CLVS1: variants seen among roughly 807,000 people sequenced by gnomAD.
CLVS1 encodes clavesin 1, also known as clavesin-1.
In CLVS1, 10 loss-of-function variants were observed where a neutral mutation model predicts 33.1. The observed-to-expected ratio is 0.30, with a 90% CI of 0.19 to 0.51. The LOEUF is 0.51. CLVS1 is among the 20% of genes least tolerant of loss of function. CLVS1 has a pLI of 0.97. For missense variants in CLVS1, 343 were observed against 433.4 expected (o/e 0.79, Z 1.85); for synonymous variants, 163 against 166.1 (o/e 0.98, Z 0.14).
intron 3 of CLVS1, among the ~76,000 whole-genome samples, chr8:61,389,491 C>G (rs1814216183): frequency 6.6e-6 from 1 of 151,398 alleles, no homozygotes; most frequent in Non-Finnish European, 1.5e-5. Context: ...TGCAGTGAGC[C>G]AAGACTGCAC....
In CLVS1 at chr8:61,499,721, A is replaced by G. The variant is rs1804496597; in HGVS notation, c.*179A>G. ...GGTCTGAGCAGCCAAAGTTGGACAA[A>G]GACTTGAGAGATGCTTTTTTTTTCC... On this transcript the variant is annotated 3_prime_UTR_variant, in exon 6 of 6. Transcript: ENST00000325897. 2.3e-6 allele frequency: 1 copy of G among 433,658 alleles called. No homozygotes were observed. The highest frequency in any genetic ancestry group is 4.2e-6 in the Non-Finnish European group (1 of 240,076). 26.9% of individuals were successfully genotyped at this position (433,658 alleles called of 1,614,324 possible).
chr8:60,971,846 C>G, the CLVS1 span, among the ~76,000 whole-genome samples: 1 of 152,054 alleles, frequency 6.6e-6, no homozygotes, highest in African/African-American at 2.4e-5. Flanking sequence ...TCACCCCCAC[C>G]CCCACCTTCC....
At chr8:61,397,657 A>G (rs1432471386) in intron 3 of CLVS1, among the ~76,000 whole-genome samples, 2 of 152,132 alleles carry the variant, frequency 1.3e-5, no homozygotes, top group African/African-American at 4.8e-5. Context: ...TAGATCTATA[A>G]TCTATTTTGA....
chr8:61,158,133 A>C (rs1806684310), intron 2 of CLVS1, among the ~76,000 whole-genome samples: 1 of 152,214 alleles, frequency 6.6e-6, no homozygotes, highest in South Asian at 2.1e-4. Flanking sequence ...CCAGAAATAA[A>C]AAGGAACAAA....
chr8:61,274,143 A>T (rs1006656821), intron 2 of CLVS1: 2 of 152,240 alleles, frequency 1.3e-5, no homozygotes, highest in Non-Finnish European at 2.9e-5. Flanking sequence ...TAAACATTTC[A>T]CATGGTATTA....
intron 2 of CLVS1, among the ~76,000 whole-genome samples, chr8:61,154,090 A>G (rs1353083816): frequency 6.6e-6 from 1 of 152,182 alleles, no homozygotes; most frequent in African/African-American, 2.4e-5. Flanking sequence ...CAAGGCAGCA[A>G]TTACAAGAGG....
At position 61,073,738 on chromosome 8, in the gene CLVS1, C is replaced by T. The variant is rs888427432; in HGVS notation, c.-243+16508C>T. On this transcript the variant is annotated intron_variant, in intron 1 of 2. Coordinates refer to the CLVS1 transcript ENST00000522621. ...TAAAAAATTATAACTAAAGGCCGGG[C>T]GCAGTGGCTCACACCTGTAATCCCA... 3.1e-4 allele frequency among the ~76,000 whole-genome samples: 47 copies of T among 152,016 alleles called. 1 individual carries two copies. The highest frequency in any genetic ancestry group is 4.9e-4 in the Non-Finnish European group (33 of 67,994).
chr8:61,419,396 C>CAAAA lies in CLVS1; in HGVS notation c.631-34728_631-34725dup, dbSNP rs10635998. On this transcript the variant is annotated intron_variant, in intron 3 of 5. Transcript: ENST00000325897. ...TGGGTGACAGAGCAAGACTCCGTCT[C>CAAAA]AAAAAAAAAAAAAAAAAAAATATTT... Among the ~76,000 whole-genome samples the CAAAA allele has an allele frequency of 4.0e-3, 281 of 70,230 alleles. 2 individuals are homozygous for CAAAA. Among genetic ancestry groups the CAAAA allele is most frequent in the African/African-American group, 0.012 (272 of 22,240 alleles). 46.1% of individuals were successfully genotyped at this position (70,230 alleles called of 152,430 possible). A position where few individuals can be genotyped will look rare whatever the true frequency, so the allele number is the denominator to read the frequency against.
intron 2 of CLVS1, among the ~76,000 whole-genome samples, chr8:61,317,546 C>T (rs1014817189): frequency 2.0e-5 from 3 of 152,144 alleles, no homozygotes; most frequent in Non-Finnish European, 4.4e-5. Context: ...ATGCAGTTTT[C>T]CAGAAATGTT....
intron 2 of CLVS1, among the ~76,000 whole-genome samples, chr8:61,332,307 T>G (rs2129597334): frequency 6.6e-6 from 1 of 152,300 alleles, no homozygotes; most frequent in Middle Eastern, 3.4e-3. Flanking sequence ...CTTCCTCTTC[T>G]GCTGGGTGGG....
At position 61,128,339 on chromosome 8, in the gene CLVS1, A is replaced by T. The variant is rs375287411; in HGVS notation, c.-242-3431A>T. Among the ~76,000 whole-genome samples the T allele has an allele frequency of 2.6e-5, 4 of 152,342 alleles. No individual in the cohort carries two copies. The East Asian group carries it at 5.8e-4, about 22-fold the overall frequency. On this transcript the variant is annotated intron_variant, in intron 1 of 2. Transcript: ENST00000522621. The stretch of plus-strand genomic sequence containing the variant: ...TGTTTTACTTTTCATCATCATTTGG[A>T]TGCTTTCAAATATATTACCTCAGAC...
At chr8:61,135,620 T>A (rs1371021805) in intron 2 of CLVS1, among the ~76,000 whole-genome samples, 2 of 152,230 alleles carry the variant, frequency 1.3e-5, no homozygotes, top group African/African-American at 4.8e-5. Context: ...ATGTGAGCCC[T>A]GCTGAAGCCA....
chr8:61,130,269 A>AAATAAATGAATG (rs1554538188), intron 1 of CLVS1, among the ~76,000 whole-genome samples: 1 of 150,580 alleles, frequency 6.6e-6, no homozygotes, highest in Non-Finnish European at 1.5e-5. Flanking sequence ...ATAAATAAAT[A>AAATAAATGAATG]AATAAATATA....
intron 2 of CLVS1, among the ~76,000 whole-genome samples, chr8:61,137,028 C>T (rs1046855760): frequency 1.7e-4 from 26 of 152,104 alleles, no homozygotes; most frequent in East Asian, 1.9e-4. Flanking sequence ...ATGGGGTGTA[C>T]GAAAGCGGGT....
rs528613397 is a variant in CLVS1 at position 61,167,815 on chromosome 8, C to T, written c.-152+35955C>T. 2.2e-4 allele frequency among the ~76,000 whole-genome samples: 34 copies of T among 152,280 alleles called. 1 individual carries two copies. The South Asian group carries it at 7.1e-3, about 32-fold the overall frequency. Reference sequence around the variant, plus strand: ...ACCATGAGAGTGACCACTGGTTGTCCTCACTGCTACACTCCCACCAGCGCC... The same window carrying T: ...ACCATGAGAGTGACCACTGGTTGTCTTCACTGCTACACTCCCACCAGCGCC... On this transcript the variant is annotated intron_variant, in intron 2 of 2. Transcript: ENST00000522621.
chr8:61,258,415 G>A (rs778909015), intron 2 of CLVS1, among the ~76,000 whole-genome samples: 1 of 152,126 alleles, frequency 6.6e-6, no homozygotes, highest in Non-Finnish European at 1.5e-5. Flanking sequence ...GTGAGGGGAG[G>A]AGAAGAAAAT....
chr8:61,065,191 G>T (rs770323859), intron 1 of CLVS1, among the ~76,000 whole-genome samples: 1 of 152,094 alleles, frequency 6.6e-6, no homozygotes, highest in Non-Finnish European at 1.5e-5. Context: ...ACCTATGTAC[G>T]TCCTCCCGTA....
At chr8:60,980,968 G>C in the CLVS1 span, among the ~76,000 whole-genome samples, 2 of 152,188 alleles carry the variant, frequency 1.3e-5, no homozygotes, top group Non-Finnish European at 2.9e-5. Flanking sequence ...CAGAGGCGGA[G>C]ACTGGAGTGA....
In CLVS1 at chr8:61,232,023, G is replaced by GTTTGTTTGTTTGTTTTTTTTT; in HGVS notation, c.-151-67651_-151-67650insGTTTGTTTGTTTTTTTTTTTT. Among the ~76,000 whole-genome samples, 19 of 62,656 alleles carry GTTTGTTTGTTTGTTTTTTTTT rather than the reference G, an allele frequency of 3.0e-4. 2 individuals carry two copies. The highest frequency in any genetic ancestry group is 7.1e-4 in the African/African-American group (15 of 21,122). 41.1% of individuals were successfully genotyped at this position (62,656 alleles called of 152,430 possible). Reference sequence around the variant, plus strand: ...AGAAGGAGCCCTGAGGAAAGTTGTGGTTTTTTTTTTTTTTTTTTTTTTTTT... The same window carrying GTTTGTTTGTTTGTTTTTTTTT: ...AGAAGGAGCCCTGAGGAAAGTTGTGGTTTGTTTGTTTGTTTTTTTTTTTTTTTTTTTTTTTTTTTTTTTTTT... On this transcript the variant is annotated intron_variant, in intron 2 of 2. Coordinates refer to the CLVS1 transcript ENST00000522621.
Sources: allele counts gnomAD v4.1 joint callset (sites outside exome capture counted in the v4.1 genomes callset), GRCh38; gene constraint gnomAD v4.1.1; transcripts MANE v1.5; gene names NCBI Gene and HGNC (gene_info 2026-07-23, HGNC 2026-07-21).